The following ACSS3 variants were observed in gnomAD, a reference collection of about 807,000 sequenced individuals.
ACSS3 encodes acyl-CoA synthetase short-chain family member 3, mitochondrial.
In ACSS3, 64 loss-of-function variants were observed where a neutral mutation model predicts 84.2. The ratio of observed to expected loss-of-function variants is 0.76; its 90% CI spans 0.62 to 0.94. The LOEUF (loss-of-function observed/expected upper bound fraction) is 0.94. Ranked by LOEUF, ACSS3 falls within the 40% of genes least tolerant of loss-of-function variation. The pLI, the probability that ACSS3 is intolerant of heterozygous loss-of-function variation, is 0.00. For synonymous variants in ACSS3, 317 were observed against 310.1 expected (o/e 1.02, Z -0.23); for missense variants, 815 against 867.6 (o/e 0.94, Z 0.76).
chr12:81,157,332 C>T (rs1378730087), intron 7 of ACSS3, among the ~76,000 whole-genome samples: 1 of 152,092 alleles, frequency 6.6e-6, no homozygotes, highest in Non-Finnish European at 1.5e-5. Flanking sequence ...TATCAGAAAA[C>T]TAGTAATTGA....
chr12:81,135,341 T>TTA (rs1428165018), intron 3 of ACSS3, among the ~76,000 whole-genome samples: 3 of 142,854 alleles, frequency 2.1e-5, no homozygotes, highest in Non-Finnish European at 4.5e-5. Context: ...TTATAATATA[T>TTA]TATATATCAC....
chr12:81,218,294 G>T (rs1220959250), intron 10 of ACSS3, among the ~76,000 whole-genome samples: 1 of 152,090 alleles, frequency 6.6e-6, no homozygotes, highest in Non-Finnish European at 1.5e-5. Flanking sequence ...TTTGCTTAAG[G>T]TCACACAATT....
chr12:81,081,043 GTC>G (rs1197622929), intron 1 of ACSS3, among the ~76,000 whole-genome samples: 2 of 152,188 alleles, frequency 1.3e-5, no homozygotes, highest in African/African-American at 4.8e-5. Context: ...TGTAGTCACA[GTC>G]TCTGATGCCC....
chr12:81,169,274 A>G (rs1295080062), intron 7 of ACSS3, among the ~76,000 whole-genome samples: 1 of 152,208 alleles, frequency 6.6e-6, no homozygotes, highest in Non-Finnish European at 1.5e-5. Context: ...GATTGTATTT[A>G]TAAGTAAATT....
chr12:81,080,633 T>C (rs1278886448), intron 1 of ACSS3, among the ~76,000 whole-genome samples: 2 of 152,184 alleles, frequency 1.3e-5, no homozygotes, highest in African/African-American at 4.8e-5. Flanking sequence ...AGTTAGTCAG[T>C]AGTTTCAATT....
chr12:81,243,021 A>G (rs147549588), intron 13 of ACSS3, among the ~76,000 whole-genome samples: 63,913 of 150,220 alleles, frequency 0.43, 14,457 homozygotes, highest in Non-Finnish European at 0.52. Flanking sequence ...CAATTAGGCA[A>G]GAGAAGGAAA....
chr12:81,240,321 C>T (rs148873005), intron 13 of ACSS3, among the ~76,000 whole-genome samples: 146 of 152,050 alleles, frequency 9.6e-4, no homozygotes, highest in African/African-American at 3.4e-3. Context: ...ATTCTTGATA[C>T]ATTTTCTTGC....
intron 5 of ACSS3, among the ~76,000 whole-genome samples, chr12:81,148,512 T>C (rs1886451206): frequency 1.3e-5 from 2 of 152,152 alleles, no homozygotes; most frequent in African/African-American, 2.4e-5. Context: ...AAACATTGTA[T>C]TTGTCCCCCA....
At chr12:81,096,459 C>T (rs903579463) in intron 1 of ACSS3, among the ~76,000 whole-genome samples, 2 of 152,044 alleles carry the variant, frequency 1.3e-5, no homozygotes, top group Non-Finnish European at 2.9e-5. Flanking sequence ...TGCACTTGTA[C>T]CATTTTCTTT....
intron 1 of ACSS3, among the ~76,000 whole-genome samples, chr12:81,097,000 C>A (rs1007574607): frequency 6.6e-6 from 1 of 152,182 alleles, no homozygotes; most frequent in Non-Finnish European, 1.5e-5. Flanking sequence ...AAATCAGTTT[C>A]TCAGTTGCAT....
intron 1 of ACSS3, among the ~76,000 whole-genome samples, chr12:81,079,627 G>A (rs146846442): frequency 3.4e-4 from 51 of 152,176 alleles, no homozygotes; most frequent in South Asian, 4.1e-4. Flanking sequence ...GTATTTGATC[G>A]GTCCTCTTTT....
At chr12:81,225,272 TG>T (rs1257951085) in intron 11 of ACSS3, among the ~76,000 whole-genome samples, 1 of 151,980 alleles carries the variant, frequency 6.6e-6, no homozygotes, top group Non-Finnish European at 1.5e-5. Flanking sequence ...TCTTCCTTTA[TG>T]AGTCTTTCTT....
chr12:81,175,551 G>A (rs978085640), intron 8 of ACSS3, among the ~76,000 whole-genome samples: 5 of 151,986 alleles, frequency 3.3e-5, no homozygotes, highest in African/African-American at 1.2e-4. Context: ...AACAACAACA[G>A]AATATTCATT....
chr12:81,213,621 TCCCCTCTCCTCAC>T (rs1565723454), intron 9 of ACSS3, among the ~76,000 whole-genome samples: 1 of 10,118 alleles, frequency 9.9e-5, no homozygotes, highest in African/African-American at 4.4e-4. Context: ...CCTCCCCTCC[TCCCCTCTCCTCAC>T]CTCCTCCCCT....
intron 8 of ACSS3, among the ~76,000 whole-genome samples, chr12:81,184,222 T>C (rs556192957): frequency 1.3e-5 from 2 of 151,774 alleles, no homozygotes; most frequent in African/African-American, 4.8e-5. Flanking sequence ...AAAAGAACAA[T>C]TTAAAAACAT....
chr12:81,252,926 C>T (rs1019200468), intron 13 of ACSS3, among the ~76,000 whole-genome samples: 13 of 152,314 alleles, frequency 8.5e-5, no homozygotes, highest in Non-Finnish European at 1.9e-4. Context: ...AGCATTAAGA[C>T]CAAATCGCCA....
At chr12:81,151,952 A>G (rs1309108688) in intron 6 of ACSS3, 28 bp downstream of exon 6, 2 of 1,613,052 alleles carry the variant, frequency 1.2e-6, no homozygotes, top group Non-Finnish European at 1.7e-6. Context: ...TTTACATTAC[A>G]TGACATTCTC....
At chr12:81,210,468 G>A (rs2032548040) in intron 9 of ACSS3, among the ~76,000 whole-genome samples, 1 of 152,138 alleles carries the variant, frequency 6.6e-6, no homozygotes, top group Admixed American at 6.6e-5. Flanking sequence ...GAGTACAACA[G>A]CAATATATTC....
At chr12:81,199,875 C>T (rs1157070392) in intron 9 of ACSS3, 2 of 358,266 alleles carry the variant, frequency 5.6e-6, no homozygotes, top group Middle Eastern at 3.9e-4. Context: ...ATACACACTG[C>T]ACACTGCTCC....
Sources: allele counts gnomAD v4.1 joint callset (sites outside exome capture counted in the v4.1 genomes callset), GRCh38; gene constraint gnomAD v4.1.1; transcripts MANE v1.5; gene names NCBI Gene and HGNC (gene_info 2026-07-23, HGNC 2026-07-21).